The following ANO4 variants were observed in gnomAD, a reference collection of about 807,000 sequenced individuals.
The protein encoded by ANO4 is anoctamin-4.
A neutral mutation model predicts 141.9 loss-of-function variants in ANO4; 69 were observed. The ratio of observed to expected loss-of-function variants is 0.49; its 90% CI spans 0.40 to 0.59. The LOEUF (loss-of-function observed/expected upper bound fraction) is 0.59, where lower values mean the gene tolerates loss of function less well. Ranked by LOEUF, ANO4 falls within the 20% of genes least tolerant of loss-of-function variation. The pLI is 0.00. For synonymous variants in ANO4, 350 were observed against 394.3 expected, an observed-to-expected ratio of 0.89 and a Z score of 1.33; for missense variants, 894 against 1,162.2, an observed-to-expected ratio of 0.77 and a Z score of 3.36.
intron 1 of ANO4, among the ~76,000 whole-genome samples, chr12:100,808,884 C>T (rs1437367738): frequency 6.6e-6 from 1 of 152,148 alleles, no homozygotes; most frequent in Non-Finnish European, 1.5e-5. Flanking sequence ...TTTTCACACC[C>T]ACAAATTCAA....
intron 3 of ANO4, among the ~76,000 whole-genome samples, chr12:100,742,823 C>A (rs1593253960): frequency 6.6e-6 from 1 of 152,156 alleles, no homozygotes; most frequent in East Asian, 1.9e-4. Context: ...ATCATTCTTT[C>A]CCTTCATTGT....
intron 1 of ANO4, among the ~76,000 whole-genome samples, chr12:100,815,969 T>C (rs913515334): frequency 1.3e-5 from 2 of 152,092 alleles, no homozygotes; most frequent in Non-Finnish European, 2.9e-5. Flanking sequence ...TCAGGTAGGA[T>C]CTATGGAGTG....
chr12:100,823,503 C>T (rs535788229), intron 1 of ANO4, among the ~76,000 whole-genome samples: 19 of 152,054 alleles, frequency 1.2e-4, no homozygotes, highest in African/African-American at 4.3e-4. Context: ...CGAGTTGGGA[C>T]ATATATTGCT....
intron 17 of ANO4, among the ~76,000 whole-genome samples, chr12:101,093,467 A>G (rs2049858187): frequency 6.6e-6 from 1 of 152,112 alleles, no homozygotes; most frequent in Non-Finnish European, 1.5e-5. Context: ...TGTGTTCTTA[A>G]TCTTCATATT....
rs184744476 is a variant in ANO4, at chr12:100,797,073, T to G, written c.-141+2046T>G. On this transcript the variant is annotated intron_variant, in intron 1 of 27. Transcript: ENST00000392977. ...TTCCTTTATTTTGCTAAACAGATTG[T>G]GTACCTATGCAATCAGAATTGTATA... 4.6e-5 allele frequency among the ~76,000 whole-genome samples: 7 copies of G among 152,250 alleles called. No individual in the cohort carries two copies. The East Asian group carries it at 1.3e-3, about 29-fold the overall frequency.
At chr12:100,907,992 T>C (rs970116154) in intron 2 of ANO4, among the ~76,000 whole-genome samples, 1 of 152,246 alleles carries the variant, frequency 6.6e-6, no homozygotes, top group Non-Finnish European at 1.5e-5. Flanking sequence ...ATATTCCTAA[T>C]GGTGTTTTAT....
intron 1 of ANO4, among the ~76,000 whole-genome samples, chr12:100,901,377 A>G (rs1007197437): frequency 5.3e-5 from 8 of 152,308 alleles, no homozygotes; most frequent in African/African-American, 1.7e-4. Context: ...CCTAAGCCCT[A>G]CTGCTTTGGC....
At chr12:101,064,656 A>T (rs1175937521) in intron 14 of ANO4, among the ~76,000 whole-genome samples, 2 of 75,794 alleles carry the variant, frequency 2.6e-5, no homozygotes, top group Non-Finnish European at 4.8e-5. Flanking sequence ...CCCAGAACTT[A>T]AAGTATTATA....
At chr12:100,899,385 T>C (rs889108613) in intron 1 of ANO4, among the ~76,000 whole-genome samples, 1 of 152,170 alleles carries the variant, frequency 6.6e-6, no homozygotes, top group Non-Finnish European at 1.5e-5. Flanking sequence ...TCTCTTCCTG[T>C]ACTGGAAGCC....
At chr12:100,983,351 AC>A (rs1350501072) in intron 7 of ANO4, among the ~76,000 whole-genome samples, 1 of 152,224 alleles carries the variant, frequency 6.6e-6, no homozygotes, top group Non-Finnish European at 1.5e-5. Flanking sequence ...GACGAATTTA[AC>A]AGCATAAGAC....
chr12:100,840,434 T>C (rs2037181032), intron 1 of ANO4, among the ~76,000 whole-genome samples: 1 of 152,144 alleles, frequency 6.6e-6, no homozygotes. Context: ...AGGGCAGGCA[T>C]TGTGCCACTT....
chr12:100,856,012 G>A (rs2135869380), intron 1 of ANO4, among the ~76,000 whole-genome samples: 1 of 152,278 alleles, frequency 6.6e-6, no homozygotes, highest in East Asian at 1.9e-4. Context: ...AAGGGGTGGA[G>A]TTTCCCTGTA....
chr12:100,742,661 A>G (rs536846251), intron 3 of ANO4, among the ~76,000 whole-genome samples: 278 of 152,324 alleles, frequency 1.8e-3, no homozygotes, highest in Non-Finnish European at 2.9e-3. Flanking sequence ...GAATTTCCCA[A>G]ACACATTATA....
chr12:100,782,528 C>T (rs1033128935), intron 3 of ANO4, among the ~76,000 whole-genome samples: 2 of 152,130 alleles, frequency 1.3e-5, no homozygotes, highest in African/African-American at 2.4e-5. Context: ...ACTTTCTCTA[C>T]CTTCTTTTTT....
rs78439473 is a variant in ANO4, at chr12:100,936,915, G to A, written c.161-2400G>A. Among the ~76,000 whole-genome samples, 1,510 of 152,288 alleles carry A rather than the reference G, an allele frequency of 9.9e-3. 16 individuals carry two copies. The highest frequency in any genetic ancestry group is 0.017 in the Middle Eastern group (5 of 294). ...GGAAACAGAAGCACATATTTACACA[G>A]CTAAGTGGCAGAGTTCAGAATAGCG... On this transcript the variant is annotated intron_variant, in intron 3 of 27. Transcript: ENST00000392977.
intron 8 of ANO4, among the ~76,000 whole-genome samples, chr12:100,994,258 T>C (rs2045270938): frequency 6.6e-6 from 1 of 152,188 alleles, no homozygotes; most frequent in African/African-American, 2.4e-5. Context: ...TTAAACTCTA[T>C]TTGAATCTAA....
chr12:101,068,669 T>C (rs2048691985), intron 14 of ANO4: 6 of 1,309,054 alleles, frequency 4.6e-6, no homozygotes, highest in East Asian at 4.6e-5. Flanking sequence ...GACTTCCTTA[T>C]TAACTATTAG....
rs576857544 is a variant in ANO4, at chr12:100,743,501, T to G, written c.358+3396T>G. Among the ~76,000 whole-genome samples, 391 of 152,132 alleles carry G rather than the reference T, an allele frequency of 2.6e-3. 1 individual carries two copies. In the South Asian group the frequency reaches 0.027, roughly 11 times the overall value. ...TTACAAATAATTTATAAGCTTTGGTTTAAGAGAAAAGTAATTAGAAACTTT... is the reference window on the plus strand; with the variant it reads ...TTACAAATAATTTATAAGCTTTGGTGTAAGAGAAAAGTAATTAGAAACTTT... On this transcript the variant is annotated intron_variant, in intron 3 of 29. Coordinates refer to the ANO4 transcript ENST00000644049.
At chr12:100,846,928 C>T (rs547323264) in intron 1 of ANO4, among the ~76,000 whole-genome samples, 1 of 102,940 alleles carries the variant, frequency 9.7e-6, no homozygotes, top group Non-Finnish European at 1.9e-5. Flanking sequence ...ATTCTTCCTC[C>T]TCTTCTTTCC....
Sources: allele counts gnomAD v4.1 joint callset (sites outside exome capture counted in the v4.1 genomes callset), GRCh38; gene constraint gnomAD v4.1.1; transcripts MANE v1.5; gene names NCBI Gene and HGNC (gene_info 2026-07-23, HGNC 2026-07-21).